TMEM207: variants seen among roughly 807,000 people sequenced by gnomAD.
TMEM207 encodes transmembrane protein 207.
TMEM207 carries 15 observed loss-of-function variants against 17.4 expected under a neutral mutation model. The ratio of observed to expected loss-of-function variants is 0.86; its 90% CI spans 0.58 to 1.33. The LOEUF (loss-of-function observed/expected upper bound fraction) is 1.33. Ranked by LOEUF, TMEM207 falls within the 40% of genes most tolerant of loss-of-function variation. TMEM207 has a pLI of 0.00. For missense variants in TMEM207, 205 were observed against 173.8 expected (o/e 1.18, Z -1.01); for synonymous variants, 70 against 65.6 (o/e 1.07, Z -0.33).
Position 190,441,501 on chromosome 3 carries a change from C to T in TMEM207, c.114-19G>A, listed in dbSNP as rs113181221. On this transcript the variant is annotated intron_variant, in intron 2 of 4. Transcript: ENST00000354905. ...TACACACCTGGTGATAAAGGGAGAG[C>T]GTTAGTCCTGGAACTCAGGATAGCC... The T allele has an allele frequency of 4.4e-6, 7 of 1,605,946 alleles. No individual in the cohort carries two copies. Among genetic ancestry groups the T allele is most frequent in the South Asian group, 3.3e-5 (3 of 90,032 alleles).
At position 190,447,128 on chromosome 3, in the gene TMEM207, G is replaced by A. The variant is rs140244143; in HGVS notation, c.113+662C>T. ...GGCTTTGAGTGTAACAGGCAATGAA[G>A]ACTGAAAACAGCTGCTAACAGTAAG... is the stretch of plus-strand genomic sequence containing the variant. On this transcript the variant is annotated intron_variant, in intron 2 of 4. Transcript: ENST00000354905. Among the ~76,000 whole-genome samples the A allele has an allele frequency of 2.7e-3, 417 of 152,086 alleles. 3 individuals are homozygous for A. Among genetic ancestry groups the A allele is most frequent in the African/African-American group, 9.3e-3 (385 of 41,480 alleles).
Position 190,441,491 on chromosome 3 carries a change from A to G in TMEM207, c.114-9T>C, listed in dbSNP as rs748567206. The G allele has an allele frequency of 1.2e-6, 2 of 1,610,278 alleles. No individual in the cohort carries two copies. The highest frequency in any genetic ancestry group is 1.7e-6 in the Non-Finnish European group (2 of 1,177,736). On this transcript the variant is annotated splice_polypyrimidine_tract_variant and intron_variant, in intron 2 of 4. Transcript: ENST00000354905. ...CATTATAATTTACACACCTGGTGAT[A>G]AAGGGAGAGCGTTAGTCCTGGAACT... is the stretch of plus-strand genomic sequence containing the variant.
chr3:190,441,646 G>A (rs1719940730), intron 2 of TMEM207, among the ~76,000 whole-genome samples, 164 bp from the exon 3 acceptor site: 1 of 152,150 alleles, frequency 6.6e-6, no homozygotes, highest in Admixed American at 6.5e-5. Flanking sequence ...TTATGCAAAT[G>A]TTTATGCCCA....
At chr3:190,433,916 C>G (rs1158448817) in intron 4 of TMEM207, among the ~76,000 whole-genome samples, 1 of 152,056 alleles carries the variant, frequency 6.6e-6, no homozygotes, top group African/African-American at 2.4e-5. Context: ...GTGTGTAACA[C>G]CACCCGCCTC....
intron 4 of TMEM207, among the ~76,000 whole-genome samples, chr3:190,436,149 T>C (rs1478620423): frequency 1.3e-5 from 2 of 152,226 alleles, no homozygotes; most frequent in Non-Finnish European, 1.5e-5. Flanking sequence ...TTTCAATTAA[T>C]ATATTCAATA....
intron 2 of TMEM207, among the ~76,000 whole-genome samples, chr3:190,441,737 T>C (rs1719941836): frequency 6.6e-6 from 1 of 152,132 alleles, no homozygotes; most frequent in African/African-American, 2.4e-5. Flanking sequence ...TTATAATGGG[T>C]TTGATTCTAG....
At position 190,444,008 on chromosome 3, in the gene TMEM207, C is replaced by T. The variant is rs554670196; in HGVS notation, c.114-2526G>A. Among the ~76,000 whole-genome samples, 6 of 152,280 alleles carry T rather than the reference C, an allele frequency of 3.9e-5. 1 individual carries two copies. Among genetic ancestry groups the T allele is most frequent in the East Asian group, 1.9e-4 (1 of 5,180 alleles). Reference sequence around the variant, plus strand: ...TCATGGAGATGATTTCTGTGCAATACGAATGGTTAGATGAGTTGATCTTTA... The same window carrying T: ...TCATGGAGATGATTTCTGTGCAATATGAATGGTTAGATGAGTTGATCTTTA... On this transcript the variant is annotated intron_variant, in intron 2 of 4. Coordinates refer to ENST00000354905, the MANE Select transcript of TMEM207 (RefSeq NM_207316.3).
chr3:190,438,744 A>G (rs1444534931), intron 4 of TMEM207, among the ~76,000 whole-genome samples: 2 of 152,208 alleles, frequency 1.3e-5, no homozygotes, highest in Non-Finnish European at 2.9e-5. Context: ...GTAAATAAAG[A>G]AAAATAGTCC....
rs964123580 is a variant in TMEM207 at position 190,429,619 on chromosome 3, A to G, written c.417T>C (p.Tyr139=). ...CFGPLGSPPP[Y]EEIVKTT ...ATCAGGTTGTTTTTACAATTTCTTCATATGGAGGTGGGGAGCCTAAAGGGC... is the reference window on the plus strand; with the variant it reads ...ATCAGGTTGTTTTTACAATTTCTTCGTATGGAGGTGGGGAGCCTAAAGGGC... Residue 139 remains tyrosine (Y), a synonymous_variant, in exon 5 of 5, where the codon TAT becomes TAC. Coordinates refer to ENST00000354905, the MANE Select transcript of TMEM207 (RefSeq NM_207316.3). The G allele has an allele frequency of 1.2e-6, 2 of 1,613,530 alleles. No individual in the cohort carries two copies. The highest frequency in any genetic ancestry group is 1.1e-5 in the South Asian group (1 of 91,056).
At chr3:190,432,538 G>A (rs1040677387) in intron 4 of TMEM207, among the ~76,000 whole-genome samples, 1 of 152,166 alleles carries the variant, frequency 6.6e-6, no homozygotes, top group Non-Finnish European at 1.5e-5. Context: ...ATGAAAATCT[G>A]TGAATGAAAT....
intron 2 of TMEM207, among the ~76,000 whole-genome samples, chr3:190,444,883 C>T (rs1720011450): frequency 1.3e-5 from 2 of 152,052 alleles, no homozygotes; most frequent in South Asian, 4.1e-4. Context: ...AAAAGTCATT[C>T]CTCAACATAG....
intron 4 of TMEM207, among the ~76,000 whole-genome samples, chr3:190,431,956 G>T (rs559769800): frequency 1.3e-5 from 2 of 152,214 alleles, no homozygotes; most frequent in South Asian, 2.1e-4. Flanking sequence ...CCAAATATGT[G>T]TTATATCAGT....
intron 2 of TMEM207, among the ~76,000 whole-genome samples, chr3:190,445,592 C>G (rs1306446336): frequency 6.6e-6 from 1 of 152,148 alleles, no homozygotes; most frequent in African/African-American, 2.4e-5. Flanking sequence ...GTGGTGCGAT[C>G]TCGGCTCACT....
In TMEM207 at chr3:190,429,122, C is replaced by CACCT. The variant is rs1719633189; in HGVS notation, c.*472_*473insAGGT. On this transcript the variant is annotated 3_prime_UTR_variant, in exon 5 of 5. Coordinates refer to ENST00000354905, the MANE Select transcript of TMEM207 (RefSeq NM_207316.3). The stretch of plus-strand genomic sequence containing the variant: ...ACTCCAAACTTTTCTTTTTCCTACT[C>CACCT]TCTCCCCTCACCTTCATTCAAATAC... 1 of 152,542 alleles carries CACCT rather than the reference C, an allele frequency of 6.6e-6. No individual in the cohort carries two copies. Among genetic ancestry groups the CACCT allele is most frequent in the Non-Finnish European group, 1.5e-5 (1 of 68,326 alleles). The allele number at this position is 152,542 out of a possible 1,614,324, so 9.4% of individuals were successfully genotyped here.
chr3:190,445,389 T>G (rs1450965071), intron 2 of TMEM207, among the ~76,000 whole-genome samples: 3 of 152,242 alleles, frequency 2.0e-5, no homozygotes, highest in Non-Finnish European at 4.4e-5. Context: ...TTATAGCATT[T>G]AAATTTTATA....
Position 190,440,300 on chromosome 3 carries a change from T to A in TMEM207, c.248A>T (p.Asp83Val). 1 of 1,613,958 alleles carries A rather than the reference T, an allele frequency of 6.2e-7. No homozygotes were observed. The highest frequency in any genetic ancestry group is 8.5e-7 in the Non-Finnish European group (1 of 1,179,978). The change falls in exon 4 of 5, where the codon GAT (aspartate) becomes GTT (valine). Residue 83 changes from aspartate to valine, a missense_variant. By Grantham distance (152) the Asp-to-Val change is radical. Transcript: ENST00000354905. ...AACTGCCATGGTGCGCCTGTGAGAA[T>A]CAATTCGGGGTCTCCTCAGCCAGCA... is the stretch of plus-strand genomic sequence containing the variant. ...LQCWLRRPRI[D>V]SHRRTMAVFA...
intron 4 of TMEM207, among the ~76,000 whole-genome samples, chr3:190,431,272 A>G (rs989916583): frequency 1.3e-5 from 2 of 152,118 alleles, no homozygotes; most frequent in Admixed American, 1.3e-4. Flanking sequence ...CTATAAAAGC[A>G]AGGCTAAATG....
At chr3:190,434,168 T>C (rs980005464) in intron 4 of TMEM207, among the ~76,000 whole-genome samples, 2 of 152,206 alleles carry the variant, frequency 1.3e-5, no homozygotes, top group Admixed American at 6.5e-5. Flanking sequence ...TTCAGTTGTA[T>C]TATCACTTAG....
chr3:190,437,356 C>T lies in TMEM207; in HGVS notation c.304+2888G>A, dbSNP rs74926865. On this transcript the variant is annotated intron_variant, in intron 4 of 4. Coordinates refer to ENST00000354905, the MANE Select transcript of TMEM207 (RefSeq NM_207316.3). ...GGACACTTTAAACTCGATTAGTTGA[C>T]GTGCAGTAAACATCTATGCATGTAT... 4.1e-3 allele frequency among the ~76,000 whole-genome samples: 628 copies of T among 152,266 alleles called. 9 individuals are homozygous for T. The highest frequency in any genetic ancestry group is 0.014 in the African/African-American group (567 of 41,552).
Sources: allele counts gnomAD v4.1 joint callset (sites outside exome capture counted in the v4.1 genomes callset), GRCh38; gene constraint gnomAD v4.1.1; transcripts MANE v1.5; gene names NCBI Gene and HGNC (gene_info 2026-07-23, HGNC 2026-07-21).